ADAMTS6: variants seen among roughly 807,000 people sequenced by gnomAD.
The protein encoded by ADAMTS6 is ADAM metallopeptidase with thrombospondin type 1 motif 6, also known as A disintegrin and metalloproteinase with thrombospondin motifs 6.
In ADAMTS6, 23 loss-of-function variants were observed where a neutral mutation model predicts 144.3. The ratio of observed to expected loss-of-function variants is 0.16; its 90% CI spans 0.11 to 0.23. The LOEUF (loss-of-function observed/expected upper bound fraction) is 0.23. Ranked by LOEUF, ADAMTS6 falls within the 10% of genes least tolerant of loss-of-function variation. The probability of loss-of-function intolerance (pLI) is 1.00; values close to 1 mark genes in which losing one functional copy is unlikely to be tolerated. For synonymous variants in ADAMTS6, 444 were observed against 457.5 expected (o/e 0.97, Z 0.38); for missense variants, 999 against 1,379.6 (o/e 0.72, Z 4.37).
At chr5:65,215,040 AC>A in intron 19 of ADAMTS6, 108 bp from the exon 20 acceptor site, 3 of 1,391,242 alleles carry the variant, frequency 2.2e-6, no homozygotes, top group Non-Finnish European at 2.9e-6. Flanking sequence ...CTTACAGGAA[AC>A]TTAATATAAA....
intron 24 of ADAMTS6, among the ~76,000 whole-genome samples, chr5:65,160,494 T>C (rs112679020): frequency 0.057 from 8,683 of 151,300 alleles, 817 homozygotes; most frequent in African/African-American, 0.2. Flanking sequence ...TTAGTAGAGA[T>C]GGGGTTTCAC....
chr5:65,469,479 C>G (rs776642154), intron 3 of ADAMTS6, among the ~76,000 whole-genome samples: 1 of 152,048 alleles, frequency 6.6e-6, no homozygotes, highest in Admixed American at 6.5e-5. Flanking sequence ...GCCATTTTAA[C>G]ATATGAAAAG....
Position 65,214,519 on chromosome 5 carries a change from C to T in ADAMTS6, c.2575+275G>A. The T allele has an allele frequency of 2.0e-6, 1 of 494,668 alleles. No individual in the cohort carries two copies. Among genetic ancestry groups the T allele is most frequent in the Non-Finnish European group, 3.7e-6 (1 of 272,738 alleles). 30.6% of individuals were successfully genotyped at this position (494,668 alleles called of 1,614,324 possible). On this transcript the variant is annotated intron_variant, in intron 20 of 24. Coordinates refer to ENST00000381055, the MANE Select transcript of ADAMTS6 (RefSeq NM_197941.4). This position sits in a 1 kb window ranked among gnomAD's most constrained non-coding sequence, Gnocchi z 4.6. ...CAAGAATGTGTTCACGAAAGGCAAA[C>T]AGCCCACCTTCAAGATAGTCTTGGG...
chr5:65,320,646 T>C lies in ADAMTS6; in HGVS notation c.1223+8732A>G, dbSNP rs1745526666. Among the ~76,000 whole-genome samples the C allele has an allele frequency of 3.9e-5, 6 of 152,166 alleles. 1 individual carries two copies. In the South Asian group the frequency reaches 1.2e-3, roughly 32 times the overall value. ...ATGGGGGTCTGTTTTATAGGTTATT[T>C]CCCTGACTAATACATCCAGGTTTAA... On this transcript the variant is annotated intron_variant, in intron 9 of 24. Transcript: ENST00000381055.
chr5:65,221,831 T>C (rs1250305039), intron 18 of ADAMTS6, among the ~76,000 whole-genome samples: 1 of 152,016 alleles, frequency 6.6e-6, no homozygotes, highest in African/African-American at 2.4e-5. Flanking sequence ...AGAAATAAAC[T>C]ATATTATTCC....
intron 7 of ADAMTS6, among the ~76,000 whole-genome samples, chr5:65,338,147 G>C (rs1050684984): frequency 1.3e-5 from 2 of 152,172 alleles, no homozygotes; most frequent in African/African-American, 4.8e-5. Context: ...AATTTGGATA[G>C]AAAAATAGCA....
At chr5:65,371,101 A>G (rs1190883691) in intron 7 of ADAMTS6, among the ~76,000 whole-genome samples, 1 of 152,230 alleles carries the variant, frequency 6.6e-6, no homozygotes, top group African/African-American at 2.4e-5. Flanking sequence ...TAGGACATCC[A>G]CACCAAAAAC....
At chr5:65,471,184 G>A (rs765790172) in intron 2 of ADAMTS6, 42 bp from the exon 3 acceptor site, 2 of 1,541,106 alleles carry the variant, frequency 1.3e-6, no homozygotes, top group South Asian at 2.6e-5. Context: ...AAAAACACAT[G>A]GAAGAAAAGA....
At chr5:65,443,227 G>A (rs6894253) in intron 7 of ADAMTS6, among the ~76,000 whole-genome samples, 26,883 of 152,078 alleles carry the variant, frequency 0.18, 3,113 homozygotes, top group African/African-American at 0.33. Context: ...GCTTGAAATA[G>A]AAACAGTTTT....
At chr5:65,435,690 A>G (rs896336366) in intron 7 of ADAMTS6, among the ~76,000 whole-genome samples, 2 of 151,912 alleles carry the variant, frequency 1.3e-5, no homozygotes, top group East Asian at 1.9e-4. Flanking sequence ...CAGTGGCGCG[A>G]TATCGGCTCA....
intron 22 of ADAMTS6, among the ~76,000 whole-genome samples, chr5:65,180,123 C>T (rs573094020): frequency 7.2e-5 from 11 of 152,076 alleles, no homozygotes; most frequent in South Asian, 2.1e-4. Flanking sequence ...AGGTGAACAC[C>T]GTGCACATGT....
At chr5:65,190,885 A>G (rs916346356) in intron 21 of ADAMTS6, among the ~76,000 whole-genome samples, 4 of 152,090 alleles carry the variant, frequency 2.6e-5, no homozygotes, top group Admixed American at 1.3e-4. Context: ...CTAGTTATTT[A>G]AACAGTTTTG....
chr5:65,350,135 CAGTA>C (rs1173284644), intron 7 of ADAMTS6, among the ~76,000 whole-genome samples: 1 of 152,124 alleles, frequency 6.6e-6, no homozygotes, highest in Non-Finnish European at 1.5e-5. Flanking sequence ...TTGATGTTGT[CAGTA>C]AGTATCTATA....
chr5:65,321,691 T>C (rs903022800), intron 9 of ADAMTS6, among the ~76,000 whole-genome samples: 2 of 149,326 alleles, frequency 1.3e-5, no homozygotes, highest in African/African-American at 4.9e-5. Context: ...AAGTCTTCAA[T>C]CCATCTTTTT....
At chr5:65,178,276 C>T (rs1025063286) in intron 22 of ADAMTS6, among the ~76,000 whole-genome samples, 3 of 152,178 alleles carry the variant, frequency 2.0e-5, no homozygotes, top group Non-Finnish European at 2.9e-5. Flanking sequence ...GAGAAAGCCC[C>T]TTATGGGTCT....
At chr5:65,274,696 G>T (rs1364784966) in intron 11 of ADAMTS6, among the ~76,000 whole-genome samples, 2 of 138,164 alleles carry the variant, frequency 1.4e-5, no homozygotes, top group African/African-American at 2.6e-5. Flanking sequence ...TTGTTTGTTT[G>T]TTTTCTGAGA....
chr5:65,396,995 T>C (rs1238394140), intron 7 of ADAMTS6, among the ~76,000 whole-genome samples: 1 of 152,220 alleles, frequency 6.6e-6, no homozygotes, highest in Non-Finnish European at 1.5e-5. Context: ...GATTATTAAC[T>C]GTTGGTTCCA....
intron 7 of ADAMTS6, among the ~76,000 whole-genome samples, chr5:65,391,897 A>G (rs1580582165): frequency 6.6e-6 from 1 of 151,748 alleles, no homozygotes; most frequent in East Asian, 1.9e-4. Context: ...CACCACACCA[A>G]GCTAATTTTT....
chr5:65,323,276 C>A (rs1745810638), intron 9 of ADAMTS6, among the ~76,000 whole-genome samples: 1 of 111,240 alleles, frequency 9.0e-6, no homozygotes, highest in Admixed American at 1.1e-4. Context: ...CTCCCCCCAC[C>A]CCACAACAGT....
Sources: gnomAD v4.1 joint callset for allele counts (sites outside exome capture counted in the v4.1 genomes callset) on GRCh38, gnomAD v4.1.1 for gene constraint, Gnocchi (gnomAD v3.1) non-coding constraint, MANE v1.5 for transcripts, NCBI Gene and HGNC (gene_info 2026-07-23, HGNC 2026-07-21) for gene names.